The following ZBTB17 variants were observed in gnomAD, a reference collection of about 807,000 sequenced individuals.
ZBTB17 encodes zinc finger and BTB domain containing 17.
In ZBTB17, 24 loss-of-function variants were observed where a neutral mutation model predicts 85.1. The observed-to-expected ratio is 0.28, with a 90% CI of 0.20 to 0.40. The LOEUF (loss-of-function observed/expected upper bound fraction) is 0.40, where lower values mean the gene tolerates loss of function less well. Among genes scored for constraint, ZBTB17 ranks in the 10% least tolerant of loss-of-function variants. The pLI is 1.00. For synonymous variants in ZBTB17, 464 were observed against 460.2 expected, an observed-to-expected ratio of 1.01 and a Z score of -0.11; for missense variants, 743 against 1,105.1, an observed-to-expected ratio of 0.67 and a Z score of 4.65.
At chr1:15,971,835 G>T (rs569373510) in intron 2 of ZBTB17, among the ~76,000 whole-genome samples, 1 of 151,692 alleles carries the variant, frequency 6.6e-6, no homozygotes, top group East Asian at 1.9e-4. Flanking sequence ...AAGGCTTGCT[G>T]TCTGATGTGT....
chr1:15,948,160 C>T, intron 3 of ZBTB17, 131 bp downstream of exon 3: 1 of 1,076,036 alleles, frequency 9.3e-7, no homozygotes, highest in Admixed American at 2.0e-5. Flanking sequence ...TTGCTCATGG[C>T]CTGAAGCCTG....
intron 2 of ZBTB17, 121 bp downstream of exon 2, chr1:15,972,918 G>A (rs2072736343): frequency 1.3e-5 from 2 of 152,214 alleles, no homozygotes; most frequent in Admixed American, 1.3e-4. Context: ...CTGGGATTTT[G>A]TCATTACTAT....
At chr1:15,975,958 G>A (rs1462049401) in intron 1 of ZBTB17, 25 bp downstream of exon 1, 4 of 698,998 alleles carry the variant, frequency 5.7e-6, no homozygotes, top group African/African-American at 5.3e-5. Context: ...GACTTCCCCG[G>A]CCCCGGGCGA....
At chr1:15,957,178 CAAA>C (rs34574727) in intron 2 of ZBTB17, among the ~76,000 whole-genome samples, 3 of 87,368 alleles carry the variant, frequency 3.4e-5, no homozygotes, top group Non-Finnish European at 4.7e-5. Flanking sequence ...GACTCCATCT[CAAA>C]AAAAAAAAAA....
intron 2 of ZBTB17, among the ~76,000 whole-genome samples, chr1:15,948,934 T>C (rs2071724078): frequency 6.6e-6 from 1 of 152,210 alleles, no homozygotes; most frequent in South Asian, 2.1e-4. Flanking sequence ...ATTGGACATG[T>C]TGGTCTTTAA....
chr1:15,946,277 T>C lies in ZBTB17; in HGVS notation c.412A>G (p.Lys138Glu). The change falls in exon 5 of 16, where the codon AAA becomes GAA. Residue 138 changes from lysine (K) to glutamate (E), a missense_variant. Physicochemically the swap from Lys to Glu is moderately conservative, Grantham distance 56. Coordinates refer to ENST00000375743, the MANE Select transcript of ZBTB17 (RefSeq NM_003443.3). ...LATEGGDKRAKEEKVATSTLS... is the reference protein window; with the variant it reads ...LATEGGDKRAEEEKVATSTLS... ...GTGCTGGTGGCCACCTTCTCCTCTT[T>C]GGCTCTCTTGTCCCCTCCTGGAGAT... 3 of 1,613,650 alleles carry C rather than the reference T, an allele frequency of 1.9e-6. No homozygotes were observed. The highest frequency in any genetic ancestry group is 2.5e-6 in the Non-Finnish European group (3 of 1,179,722).
chr1:15,975,200 C>T (rs967091238), intron 1 of ZBTB17, among the ~76,000 whole-genome samples: 4 of 152,262 alleles, frequency 2.6e-5, no homozygotes, highest in African/African-American at 4.8e-5. Context: ...AACAAACACA[C>T]AGCATTTACT....
intron 2 of ZBTB17, among the ~76,000 whole-genome samples, chr1:15,961,143 G>A (rs1275315405): frequency 1.3e-5 from 2 of 152,140 alleles, no homozygotes; most frequent in African/African-American, 4.8e-5. Context: ...AAGAAATGTT[G>A]AATAAATGAA....
Position 15,953,073 on chromosome 1 carries a change from A to G in ZBTB17, c.-2-4576T>C, listed in dbSNP as rs1393921561. On this transcript the variant is annotated intron_variant, in intron 2 of 15. Transcript: ENST00000375743. This position sits in a 1 kb window ranked among gnomAD's most constrained non-coding sequence, Gnocchi z 5.1. ...AAGCAGGGGACTTCTGAGATCCTAG[A>G]AGAGTTCTCTTTCTTTACTTGGAGT... 6.6e-6 allele frequency: 1 copy of G among 152,146 alleles called. No individual in the cohort carries two copies. The highest frequency in any genetic ancestry group is 1.5e-5 in the Non-Finnish European group (1 of 68,018). 9.4% of individuals were successfully genotyped at this position (152,146 alleles called of 1,614,324 possible). A position where few individuals can be genotyped will look rare whatever the true frequency, so the allele number is the denominator to read the frequency against.
At position 15,964,136 on chromosome 1, in the gene ZBTB17, A is replaced by AAG; in HGVS notation, c.-3+8901_-3+8902dup. Among the ~76,000 whole-genome samples the AAG allele has an allele frequency of 6.6e-6, 1 of 151,878 alleles. No individual in the cohort carries two copies. The highest frequency in any genetic ancestry group is 6.6e-5 in the Admixed American group (1 of 15,262). On this transcript the variant is annotated intron_variant, in intron 2 of 15. Transcript: ENST00000375743. This position sits in a 1 kb window ranked among gnomAD's most constrained non-coding sequence, Gnocchi z 4.3. ...CTGTCTCTAGAGAGAAAAAAAAAAA[A>AAG]AGGTTTAAAAAGAACTAAAATGCAC... is the stretch of plus-strand genomic sequence containing the variant.
chr1:15,957,293 G>A (rs950553238), intron 2 of ZBTB17, among the ~76,000 whole-genome samples: 4 of 152,122 alleles, frequency 2.6e-5, no homozygotes, highest in African/African-American at 9.7e-5. Flanking sequence ...GTATGCCCAG[G>A]GACCATCACA....
At chr1:15,943,238 T>G (rs972005665) in intron 12 of ZBTB17, 44 bp from the exon 13 acceptor site, 7 of 1,613,380 alleles carry the variant, frequency 4.3e-6, no homozygotes, top group Non-Finnish European at 5.9e-6. Flanking sequence ...TGCCCCAACC[T>G]GGGCCTCCTG....
At position 15,944,780 on chromosome 1, in the gene ZBTB17, C is replaced by T. The variant is rs758293532; in HGVS notation, c.987G>A (p.Thr329=). ...CCCGGCACGAGAAGGGCTTCTCCCC[C>T]GTGTGGATGCGGATGTGCCGCTTGA... ...GNFKRHIRIH[T]GEKPFSCREC... is the part of the protein sequence containing the mutation. The change falls in exon 8 of 16, where the codon ACG becomes ACA. Residue 329 remains threonine (T), a synonymous_variant. Transcript: ENST00000375743. The T allele has an allele frequency of 2.5e-6, 4 of 1,612,372 alleles. No individual in the cohort carries two copies. The highest frequency in any genetic ancestry group is 1.1e-5 in the South Asian group (1 of 90,930).
intron 2 of ZBTB17, among the ~76,000 whole-genome samples, chr1:15,960,781 C>T (rs2148797024): frequency 6.6e-6 from 1 of 152,358 alleles, no homozygotes; most frequent in South Asian, 2.1e-4. Flanking sequence ...TAAGTAAGAA[C>T]TGGAAATGGA....
intron 2 of ZBTB17, among the ~76,000 whole-genome samples, chr1:15,969,303 T>C (rs1035807463): frequency 2.0e-5 from 3 of 152,206 alleles, no homozygotes; most frequent in Non-Finnish European, 4.4e-5. Context: ...TGTACAATTA[T>C]TTCATTATAT....
At chr1:15,944,676 G>C (rs2071515792) in intron 8 of ZBTB17, 21 bp downstream of exon 8, 2 of 1,604,604 alleles carry the variant, frequency 1.2e-6, no homozygotes, top group East Asian at 2.2e-5. Context: ...GCCGGGGTAG[G>C]AGGCCGGCTT....
At chr1:15,960,701 C>T (rs1223792533) in intron 2 of ZBTB17, among the ~76,000 whole-genome samples, 1 of 152,214 alleles carries the variant, frequency 6.6e-6, no homozygotes, top group Admixed American at 6.5e-5. Context: ...AGAACAATCA[C>T]AAAGGAAGGG....
intron 11 of ZBTB17, 30 bp downstream of exon 11, chr1:15,943,569 C>G (rs753639107): frequency 6.2e-7 from 1 of 1,612,688 alleles, no homozygotes; most frequent in African/African-American, 1.3e-5. Context: ...CGTGCCCTCC[C>G]AGTCCTGGGC....
chr1:15,970,618 G>A (rs1273250614), intron 2 of ZBTB17, among the ~76,000 whole-genome samples: 2 of 151,000 alleles, frequency 1.3e-5, no homozygotes, highest in African/African-American at 2.4e-5. Flanking sequence ...GCGTGATCTC[G>A]GCTCACTGCA....
Sources: gnomAD v4.1 joint callset for allele counts (sites outside exome capture counted in the v4.1 genomes callset) on GRCh38, gnomAD v4.1.1 for gene constraint, Gnocchi (gnomAD v3.1) non-coding constraint, MANE v1.5 for transcripts, NCBI Gene and HGNC (gene_info 2026-07-23, HGNC 2026-07-21) for gene names.